Variants in WDR72 observed in about 807,000 individuals in gnomAD.
WDR72 encodes the protein WD repeat domain 72.
A neutral mutation model predicts 124.2 loss-of-function variants in WDR72; 120 were observed. That is an observed-to-expected ratio of 0.97 (90% CI 0.83 to 1.12). The LOEUF is 1.12. WDR72 is among the 50% of genes most tolerant of loss of function. WDR72 has a pLI of 0.00. For missense variants in WDR72, 1,387 were observed against 1,278.8 expected (o/e 1.08, Z -1.29); for synonymous variants, 452 against 441.7 (o/e 1.02, Z -0.29).
Position 53,705,246 on chromosome 15 carries a change from C to G in WDR72, c.1103-13G>C. ...GTTACTGGTATCTCTAAAAAGAAAA[C>G]AGACATAAAAAGAAAATTTGGTTTA... On this transcript the variant is annotated splice_polypyrimidine_tract_variant and intron_variant, in intron 10 of 19. Transcript: ENST00000360509. 2 of 1,611,056 alleles carry G rather than the reference C, an allele frequency of 1.2e-6. No individual in the cohort carries two copies. Among genetic ancestry groups the G allele is most frequent in the Non-Finnish European group, 8.5e-7 (1 of 1,179,886 alleles).
Position 53,683,964 on chromosome 15 carries a change from A to G in WDR72, c.1765+15786T>C, listed in dbSNP as rs1336952937. ...CCCCATCAACAATCTGGGGATGTCA[A>G]CGAACCCTTTTTTTCCAATAATAAT... On this transcript the variant is annotated intron_variant, in intron 13 of 19. Transcript: ENST00000360509. Among the ~76,000 whole-genome samples the G allele has an allele frequency of 1.6e-4, 24 of 152,166 alleles. 1 individual carries two copies. The highest frequency in any genetic ancestry group is 4.4e-5 in the Non-Finnish European group (3 of 68,028).
intron 13 of WDR72, among the ~76,000 whole-genome samples, chr15:53,680,995 C>G (rs1305183206): frequency 6.6e-6 from 1 of 152,224 alleles, no homozygotes; most frequent in Non-Finnish European, 1.5e-5. Context: ...TCACCACTCC[C>G]AAGCCAAGGA....
At chr15:53,734,808 T>TA (rs5812711) in intron 1 of WDR72, among the ~76,000 whole-genome samples, 1 of 108,582 alleles carries the variant, frequency 9.2e-6, no homozygotes, top group African/African-American at 2.7e-5. Flanking sequence ...GGGTTGGGAC[T>TA]AAAAAAAAAA....
chr15:53,686,340 G>C (rs143946300), intron 13 of WDR72, among the ~76,000 whole-genome samples: 1,945 of 151,974 alleles, frequency 0.013, 29 homozygotes, highest in East Asian at 0.068. Context: ...GACACACATA[G>C]GCTCAAAATA....
At chr15:53,714,317 T>C (rs1595868723) in intron 6 of WDR72, 117 bp downstream of exon 6, 1 of 840,884 alleles carries the variant, frequency 1.2e-6, no homozygotes, top group Non-Finnish European at 2.0e-6. Flanking sequence ...GTAGAATTTA[T>C]ACACTTCTAT....
rs1595860616 is a variant in WDR72, at chr15:53,702,028, T to G, written c.1569+106A>C. 31 of 798,040 alleles carry G rather than the reference T, an allele frequency of 3.9e-5. 1 individual carries two copies. In the South Asian group the frequency reaches 5.9e-4, roughly 15 times the overall value. 49.4% of individuals were successfully genotyped at this position (798,040 alleles called of 1,614,324 possible). On this transcript the variant is annotated intron_variant, in intron 12 of 19. Coordinates refer to ENST00000360509, the MANE Select transcript of WDR72 (RefSeq NM_182758.4). Reference sequence around the variant, plus strand: ...GTATTATAAGTACATAGAACTCATGTTTTTCTTTTCTTTGGAAATATGGGT... The same window carrying G: ...GTATTATAAGTACATAGAACTCATGGTTTTCTTTTCTTTGGAAATATGGGT...
chr15:53,610,532 C>T (rs983954700), intron 16 of WDR72, among the ~76,000 whole-genome samples: 1 of 151,550 alleles, frequency 6.6e-6, no homozygotes, highest in Non-Finnish European at 1.5e-5. Flanking sequence ...TTGTCTGATA[C>T]ACTTTTCATC....
chr15:53,645,746 A>C (rs2015018982), intron 14 of WDR72, among the ~76,000 whole-genome samples: 1 of 152,200 alleles, frequency 6.6e-6, no homozygotes, highest in South Asian at 2.1e-4. Flanking sequence ...ATCTAAATAT[A>C]AAAGGAAAAT....
chr15:53,704,530 G>A (rs1387299046), intron 11 of WDR72, among the ~76,000 whole-genome samples: 2 of 150,974 alleles, frequency 1.3e-5, no homozygotes, highest in Non-Finnish European at 3.0e-5. Flanking sequence ...TTTTGGTTTT[G>A]GTTTTTTTTG....
chr15:53,567,082 G>A (rs182365366), intron 18 of WDR72, among the ~76,000 whole-genome samples: 1 of 152,074 alleles, frequency 6.6e-6, no homozygotes, highest in African/African-American at 2.4e-5. Flanking sequence ...TCAGAAGCAG[G>A]AGAGCTGCAC....
intron 18 of WDR72, among the ~76,000 whole-genome samples, chr15:53,594,637 A>AAG (rs1378232807): frequency 6.7e-6 from 1 of 148,702 alleles, no homozygotes; most frequent in East Asian, 1.9e-4. Flanking sequence ...TAAAAAAAAA[A>AAG]AAAAACTAGC....
At position 53,613,682 on chromosome 15, in the gene WDR72, G is replaced by A; in HGVS notation, c.2856C>T (p.Tyr952=). Reference sequence around the variant, plus strand: ...CTCTCTTACCATTTCGTAAGCAACTGTAGAAGCTTGACATATTTAAAATGT... The same window carrying A: ...CTCTCTTACCATTTCGTAAGCAACTATAGAAGCTTGACATATTTAAAATGT... ...GNDILNMSSF[Y]SCLRNGKNES... is the part of the protein sequence containing the mutation. The change falls in exon 16 of 20, where the codon TAC becomes TAT. Residue 952 remains tyrosine, a synonymous_variant. Coordinates refer to ENST00000360509, the MANE Select transcript of WDR72 (RefSeq NM_182758.4). 6.2e-7 allele frequency: 1 copy of A among 1,609,574 alleles called. No homozygotes were observed. Among genetic ancestry groups the A allele is most frequent in the Non-Finnish European group, 8.5e-7 (1 of 1,177,252 alleles).
At chr15:53,538,850 G>A (rs1444378559) in intron 18 of WDR72, among the ~76,000 whole-genome samples, 2 of 152,068 alleles carry the variant, frequency 1.3e-5, no homozygotes, top group Non-Finnish European at 1.5e-5. Flanking sequence ...CTGGATCAGA[G>A]ATTTCATGAC....
At chr15:53,631,487 T>G (rs1441796664) in intron 14 of WDR72, among the ~76,000 whole-genome samples, 1 of 152,180 alleles carries the variant, frequency 6.6e-6, no homozygotes, top group Non-Finnish European at 1.5e-5. Context: ...GCTGCAAAGA[T>G]ACCTGAAAAT....
intron 18 of WDR72, among the ~76,000 whole-genome samples, chr15:53,573,194 C>T (rs1026242650): frequency 6.6e-6 from 1 of 152,118 alleles, no homozygotes; most frequent in Non-Finnish European, 1.5e-5. Context: ...TCATTTTGTC[C>T]AAATGACCTC....
At chr15:53,739,917 A>G (rs2018462291) in intron 1 of WDR72, among the ~76,000 whole-genome samples, 1 of 152,170 alleles carries the variant, frequency 6.6e-6, no homozygotes, top group South Asian at 2.1e-4. Context: ...AACTTTACCT[A>G]GGAAACTAGT....
At chr15:53,727,718 T>C (rs757263405) in intron 2 of WDR72, among the ~76,000 whole-genome samples, 9 of 152,170 alleles carry the variant, frequency 5.9e-5, no homozygotes, top group Admixed American at 1.3e-4. Context: ...AGAGAAAATC[T>C]ACCATGGACA....
intron 19 of WDR72, among the ~76,000 whole-genome samples, chr15:53,521,342 G>A (rs1350304398): frequency 6.6e-6 from 1 of 151,918 alleles, no homozygotes; most frequent in Non-Finnish European, 1.5e-5. Context: ...GGAGAAATAC[G>A]ATGTCTCCAT....
chr15:53,690,932 G>A (rs1462392293), intron 13 of WDR72, among the ~76,000 whole-genome samples: 1 of 151,944 alleles, frequency 6.6e-6, no homozygotes, highest in Non-Finnish European at 1.5e-5. Context: ...AATGTACAAG[G>A]GTTCCTATTT....
Sources: gnomAD v4.1 joint callset for allele counts (sites outside exome capture counted in the v4.1 genomes callset) on GRCh38, gnomAD v4.1.1 for gene constraint, MANE v1.5 for transcripts, NCBI Gene and HGNC (gene_info 2026-07-23, HGNC 2026-07-21) for gene names.